The following HM13 variants were observed in gnomAD, a reference collection of about 807,000 sequenced individuals.
The protein encoded by HM13 is signal peptide peptidase.
A neutral mutation model predicts 50.0 loss-of-function variants in HM13; 18 were observed. The observed-to-expected ratio is 0.36, with a 90% CI of 0.25 to 0.53. The LOEUF is 0.53. HM13 is among the 20% of genes least tolerant of loss of function. HM13 has a pLI of 0.90. For synonymous variants in HM13, 197 were observed against 232.6 expected (o/e 0.85, Z 1.39); for missense variants, 393 against 552.4 (o/e 0.71, Z 2.89).
intron 2 of HM13, among the ~76,000 whole-genome samples, chr20:31,537,042 C>T (rs1327913506): frequency 2.0e-5 from 3 of 152,212 alleles, no homozygotes; most frequent in Admixed American, 6.5e-5. Context: ...GGCTGAATTA[C>T]TGAGGGGTTA....
At chr20:31,515,778 A>G (rs576331981) in intron 1 of HM13, among the ~76,000 whole-genome samples, 5 of 151,854 alleles carry the variant, frequency 3.3e-5, no homozygotes, top group Non-Finnish European at 7.4e-5. Flanking sequence ...CCGTTGTACC[A>G]ATGACTTTTC....
At chr20:31,516,023 C>T (rs6088445) in intron 1 of HM13, among the ~76,000 whole-genome samples, 295 of 152,364 alleles carry the variant, frequency 1.9e-3, no homozygotes, top group Non-Finnish European at 3.3e-3. Flanking sequence ...GAACTCACTA[C>T]TGGCTCTGTA....
chr20:31,524,321 A>AT (rs1982355558), intron 1 of HM13, among the ~76,000 whole-genome samples: 1 of 152,148 alleles, frequency 6.6e-6, no homozygotes, highest in Non-Finnish European at 1.5e-5. Context: ...CAGAGAAGTA[A>AT]ACCCAGTCAC....
intron 11 of HM13, among the ~76,000 whole-genome samples, chr20:31,566,502 G>C (rs528579882): frequency 1.3e-5 from 2 of 152,086 alleles, no homozygotes; most frequent in Non-Finnish European, 2.9e-5. Flanking sequence ...CCAGGGGAGC[G>C]CAAGGCATCA....
At chr20:31,542,560 T>C (rs1041273444) in intron 3 of HM13, among the ~76,000 whole-genome samples, 4 of 152,318 alleles carry the variant, frequency 2.6e-5, no homozygotes, top group Middle Eastern at 3.4e-3. Flanking sequence ...GCAAGCATTT[T>C]AGCAGATGTC....
intron 11 of HM13, among the ~76,000 whole-genome samples, chr20:31,567,424 C>T (rs1600675485): frequency 6.6e-6 from 1 of 152,090 alleles, no homozygotes; most frequent in Non-Finnish European, 1.5e-5. Context: ...GTGCTAAATG[C>T]TCTGCCATAC....
At chr20:31,546,341 ACT>A (rs1007785847) in intron 4 of HM13, among the ~76,000 whole-genome samples, 1 of 151,096 alleles carries the variant, frequency 6.6e-6, no homozygotes, top group Non-Finnish European at 1.5e-5. Flanking sequence ...CGGCCGTAGC[ACT>A]CTCTCTTACT....
chr20:31,538,905 A>T (rs1441043391), intron 3 of HM13: 1 of 237,032 alleles, frequency 4.2e-6, no homozygotes, highest in Non-Finnish European at 6.9e-6. Context: ...TATCTGTGTT[A>T]ACCTGCCAGA....
In HM13 at chr20:31,548,629, T is replaced by C. The variant is rs552247083; in HGVS notation, c.455-400T>C. On this transcript the variant is annotated intron_variant, in intron 4 of 12. Coordinates refer to ENST00000398174, the MANE Select transcript of HM13 (RefSeq NM_178581.3). ...GCATTGTAAGGACTGTCTTACTTAT[T>C]CCCCCACAGCAGCCCTAAGAAGGGG... 47 of 265,376 alleles carry C rather than the reference T, an allele frequency of 1.8e-4. No individual in the cohort carries two copies. The South Asian group carries it at 2.4e-3, about 13-fold the overall frequency. 16.4% of individuals were successfully genotyped at this position (265,376 alleles called of 1,614,324 possible).
chr20:31,549,468 T>C, intron 6 of HM13, 136 bp downstream of exon 6: 1 of 1,073,292 alleles, frequency 9.3e-7, no homozygotes, highest in Non-Finnish European at 1.4e-6. Context: ...GCAGAGCAAG[T>C]CCTCTCTGGG....
chr20:31,560,929 C>T (rs1277923634), intron 9 of HM13, among the ~76,000 whole-genome samples: 1 of 152,192 alleles, frequency 6.6e-6, no homozygotes, highest in African/African-American at 2.4e-5. Context: ...CTGGGCACAT[C>T]CCAGGTGCTG....
chr20:31,569,315 C>A lies in HM13; in HGVS notation c.*96C>A. ...GGTAGAGGGCACAGGAGGCCAAGGG[C>A]AGCTCCAGGACAGGGCAGGGGGCAG... On this transcript the variant is annotated 3_prime_UTR_variant, in exon 13 of 13. Coordinates refer to ENST00000398174, the MANE Select transcript of HM13 (RefSeq NM_178581.3). 1 of 813,948 alleles carries A rather than the reference C, an allele frequency of 1.2e-6. No individual in the cohort carries two copies. Among genetic ancestry groups the A allele is most frequent in the Non-Finnish European group, 2.0e-6 (1 of 495,874 alleles). 50.4% of individuals were successfully genotyped at this position (813,948 alleles called of 1,614,324 possible).
intron 2 of HM13, among the ~76,000 whole-genome samples, chr20:31,529,555 C>A (rs1461763018): frequency 6.6e-6 from 1 of 152,082 alleles, no homozygotes; most frequent in Non-Finnish European, 1.5e-5. Flanking sequence ...CCTTTTTGTT[C>A]TTTTTAATAG....
intron 3 of HM13, chr20:31,539,522 G>A: frequency 1.0e-6 from 1 of 985,284 alleles, no homozygotes; most frequent in Non-Finnish European, 1.2e-6. Context: ...ATGAGGCCAG[G>A]TGGTGGCTCA....
chr20:31,536,516 A>C (rs1983115352), intron 2 of HM13, among the ~76,000 whole-genome samples: 1 of 152,072 alleles, frequency 6.6e-6, no homozygotes, highest in Non-Finnish European at 1.5e-5. Context: ...GCAGCAGAGA[A>C]GTCCTCTCAT....
chr20:31,519,631 C>G (rs1982026343), intron 1 of HM13, among the ~76,000 whole-genome samples: 2 of 152,142 alleles, frequency 1.3e-5, no homozygotes, highest in South Asian at 4.2e-4. Flanking sequence ...CAAGGTGGGC[C>G]CAGCAATGTG....
intron 12 of HM13, among the ~76,000 whole-genome samples, chr20:31,568,905 C>T (rs1337035959): frequency 6.6e-6 from 1 of 152,216 alleles, no homozygotes; most frequent in Non-Finnish European, 1.5e-5. Context: ...CCTGGTACCC[C>T]CAGGCTCAGA....
At chr20:31,561,344 A>G (rs559178091) in intron 9 of HM13, among the ~76,000 whole-genome samples, 86 of 152,324 alleles carry the variant, frequency 5.6e-4, no homozygotes, top group African/African-American at 2.0e-3. Flanking sequence ...CTAAAGTCTT[A>G]CAGCCACTGT....
At chr20:31,528,935 T>G (rs2122563264) in intron 2 of HM13, among the ~76,000 whole-genome samples, 1 of 152,302 alleles carries the variant, frequency 6.6e-6, no homozygotes, top group Non-Finnish European at 1.5e-5. Context: ...TAAGTGTATG[T>G]TTAGCATTAT....
Sources: gnomAD v4.1 joint callset for allele counts (sites outside exome capture counted in the v4.1 genomes callset) on GRCh38, gnomAD v4.1.1 for gene constraint, MANE v1.5 for transcripts, NCBI Gene and HGNC (gene_info 2026-07-23, HGNC 2026-07-21) for gene names.